The following ABL2 variants were observed in gnomAD, a reference collection of about 807,000 sequenced individuals.
The protein encoded by ABL2 is ABL proto-oncogene 2, non-receptor tyrosine kinase.
A neutral mutation model predicts 107.7 loss-of-function variants in ABL2; 49 were observed. That is an observed-to-expected ratio of 0.45 (90% CI 0.36 to 0.58). The LOEUF is 0.58. Among genes scored for constraint, ABL2 ranks in the 20% least tolerant of loss-of-function variants. The pLI, the probability that ABL2 is intolerant of heterozygous loss-of-function variation, is 0.00. For missense variants in ABL2, 1,245 were observed against 1,457.0 expected, an observed-to-expected ratio of 0.85 and a Z score of 2.37; for synonymous variants, 549 against 548.6, an observed-to-expected ratio of 1.00 and a Z score of -0.01.
intron 8 of ABL2, 87 bp from the exon 9 acceptor site, chr1:179,115,117 G>T: frequency 5.3e-6 from 7 of 1,322,312 alleles, no homozygotes; most frequent in Non-Finnish European, 7.2e-6. Context: ...CATATTTTAG[G>T]TAACATTCAC....
At position 179,109,215 on chromosome 1, in the gene ABL2, T is replaced by C; in HGVS notation, c.2052A>G (p.Glu684=). ...CAACAGATGAGAAGTTACCCGTGAGTTCGTATTTCTTATGGGGCTGATTCT... is the reference window on the plus strand; with the variant it reads ...CAACAGATGAGAAGTTACCCGTGAGCTCGTATTTCTTATGGGGCTGATTCT... ...EMENQPHKKY[E]LTGNFSSVAS... is the part of the protein sequence containing the mutation. The change falls in exon 12 of 12, where the codon GAA becomes GAG. Residue 684 remains glutamate (E), a synonymous_variant. Coordinates refer to ENST00000502732, the MANE Select transcript of ABL2 (RefSeq NM_007314.4). 6.2e-7 allele frequency: 1 copy of C among 1,613,806 alleles called. No homozygotes were observed. Among genetic ancestry groups the C allele is most frequent in the Non-Finnish European group, 8.5e-7 (1 of 1,179,962 alleles).
intron 1 of ABL2, among the ~76,000 whole-genome samples, chr1:179,192,611 G>A (rs1051049234): frequency 2.0e-5 from 3 of 152,166 alleles, no homozygotes; most frequent in African/African-American, 7.2e-5. Flanking sequence ...ACTCAAGCAG[G>A]TTGAGTTAAA....
intron 1 of ABL2, among the ~76,000 whole-genome samples, chr1:179,156,539 T>C (rs950511026): frequency 2.6e-5 from 4 of 152,192 alleles, no homozygotes; most frequent in Admixed American, 2.0e-4. Context: ...TCATGGAAGT[T>C]ACAAAAGCAC....
At chr1:179,135,761 G>T (rs1329719664) in intron 1 of ABL2, among the ~76,000 whole-genome samples, 1 of 141,768 alleles carries the variant, frequency 7.1e-6, no homozygotes. Flanking sequence ...CAGCTGCCCC[G>T]TCCGGGAGGG....
intron 1 of ABL2, among the ~76,000 whole-genome samples, chr1:179,212,578 A>T (rs902900087): frequency 7.0e-6 from 1 of 143,592 alleles, no homozygotes; most frequent in African/African-American, 2.6e-5. Context: ...ACTACAAATA[A>T]CAAAATTAGC....
chr1:179,107,495 C>T lies in ABL2; in HGVS notation c.*223G>A. On this transcript the variant is annotated 3_prime_UTR_variant, in exon 12 of 12. Coordinates refer to ENST00000502732, the MANE Select transcript of ABL2 (RefSeq NM_007314.4). ...CCAGTGCAGTTTCCAACCCTGTCCA[C>T]TACTGCCTTGCCCCCACTTAATTTA... 2.5e-6 allele frequency: 2 copies of T among 807,962 alleles called. No individual in the cohort carries two copies. Among genetic ancestry groups the T allele is most frequent in the Non-Finnish European group, 3.6e-6 (2 of 556,744 alleles). 50.0% of individuals were successfully genotyped at this position (807,962 alleles called of 1,614,324 possible).
intron 1 of ABL2, among the ~76,000 whole-genome samples, chr1:179,198,518 C>A (rs1446404969): frequency 6.6e-6 from 1 of 151,468 alleles, no homozygotes; most frequent in Non-Finnish European, 1.5e-5. Context: ...CATGGTGAAA[C>A]CCCCGTCTCT....
chr1:179,122,276 TAAA>T (rs34338293), intron 4 of ABL2, among the ~76,000 whole-genome samples: 124 of 126,750 alleles, frequency 9.8e-4, no homozygotes, highest in Admixed American at 1.7e-3. Flanking sequence ...AGGCTATCTT[TAAA>T]AAAAAAAAAA....
At chr1:179,222,388 CCTGG>C (rs1312191077) in intron 1 of ABL2, among the ~76,000 whole-genome samples, 1 of 151,838 alleles carries the variant, frequency 6.6e-6, no homozygotes, top group African/African-American at 2.4e-5. Context: ...CGCCACCATG[CCTGG>C]CTAATTTTTT....
chr1:179,155,812 T>C lies in ABL2; in HGVS notation c.158-22438A>G, dbSNP rs570891625. Among the ~76,000 whole-genome samples the C allele has an allele frequency of 4.1e-4, 63 of 152,206 alleles. 1 individual carries two copies. In the South Asian group the frequency reaches 0.012, roughly 30 times the overall value. ...AAAAAAAATAACTTTTTCTCTAGTA[T>C]GACTGGACAATTTCCATCTCTTCTT... On this transcript the variant is annotated intron_variant, in intron 1 of 11. Transcript: ENST00000502732.
chr1:179,184,133 CA>C (rs1042221552), intron 1 of ABL2: 2 of 309,074 alleles, frequency 6.5e-6, no homozygotes, highest in Admixed American at 7.7e-5. Context: ...CAACGTTTGT[CA>C]ACCATCCTCA....
intron 2 of ABL2, among the ~76,000 whole-genome samples, chr1:179,132,345 A>C (rs1001244889): frequency 6.6e-6 from 1 of 152,174 alleles, no homozygotes; most frequent in Non-Finnish European, 1.5e-5. Flanking sequence ...TGATCCCTAT[A>C]CCATCTTAAA....
At chr1:179,207,058 T>A (rs1662012047) in intron 1 of ABL2, among the ~76,000 whole-genome samples, 1 of 152,182 alleles carries the variant, frequency 6.6e-6, no homozygotes, top group African/African-American at 2.4e-5. Flanking sequence ...GGCACAGCTG[T>A]ACAGTGATGC....
intron 1 of ABL2, among the ~76,000 whole-genome samples, chr1:179,196,163 A>G (rs1263385324): frequency 6.6e-6 from 1 of 152,180 alleles, no homozygotes; most frequent in Non-Finnish European, 1.5e-5. Context: ...TATCAGTCTC[A>G]ATCAGGCCTG....
chr1:179,175,941 T>G (rs1043814825), intron 1 of ABL2, among the ~76,000 whole-genome samples: 1 of 150,876 alleles, frequency 6.6e-6, no homozygotes, highest in African/African-American at 2.4e-5. Flanking sequence ...CTACAACCTC[T>G]GTCTCCCGGG....
intron 8 of ABL2, among the ~76,000 whole-genome samples, chr1:179,115,743 C>T (rs2102604979): frequency 6.6e-6 from 1 of 152,198 alleles, no homozygotes; most frequent in East Asian, 1.9e-4. Context: ...AGAAGCATAA[C>T]AGTTTTAAAG....
chr1:179,148,976 A>AC, intron 1 of ABL2, among the ~76,000 whole-genome samples: 1 of 152,314 alleles, frequency 6.6e-6, no homozygotes, highest in East Asian at 1.9e-4. Context: ...AGTGAAAGGA[A>AC]GAGTTGCATG....
intron 1 of ABL2, among the ~76,000 whole-genome samples, chr1:179,223,412 C>A (rs1299775634): frequency 4.5e-4 from 60 of 132,338 alleles, no homozygotes; most frequent in Admixed American, 5.3e-4. Flanking sequence ...GACCCTGTCT[C>A]AAAAAAAAAA....
intron 1 of ABL2, among the ~76,000 whole-genome samples, chr1:179,201,288 C>T (rs1178981010): frequency 2.0e-5 from 3 of 152,140 alleles, no homozygotes; most frequent in Admixed American, 6.5e-5. Context: ...TCAAAATGCA[C>T]CCCCATTTCC....
Sources: allele counts gnomAD v4.1 joint callset (sites outside exome capture counted in the v4.1 genomes callset), GRCh38; gene constraint gnomAD v4.1.1; transcripts MANE v1.5; gene names NCBI Gene and HGNC (gene_info 2026-07-23, HGNC 2026-07-21).